The following ADGRE1 variants were observed in gnomAD, a reference collection of about 807,000 sequenced individuals.
The protein encoded by ADGRE1 is EGF-like module receptor 1.
A neutral mutation model predicts 102.7 loss-of-function variants in ADGRE1; 82 were observed. The observed-to-expected ratio is 0.80, with a 90% confidence interval of 0.67 to 0.96. ADGRE1 has a LOEUF of 0.96. ADGRE1 is among the 40% of genes least tolerant of loss of function. The pLI is 0.00. For missense variants in ADGRE1, 1,032 were observed against 1,085.3 expected, an observed-to-expected ratio of 0.95 and a Z score of 0.69; for synonymous variants, 398 against 399.6, an observed-to-expected ratio of 1.00 and a Z score of 0.05.
intron 12 of ADGRE1, among the ~76,000 whole-genome samples, chr19:6,919,021 A>G (rs958013749): frequency 6.7e-6 from 1 of 149,630 alleles, no homozygotes; most frequent in African/African-American, 2.5e-5. Context: ...CACTCTGCCC[A>G]GCTGTGGAAG....
chr19:6,928,259 G>A, intron 17 of ADGRE1, 48 bp downstream of exon 17: 1 of 1,613,908 alleles, frequency 6.2e-7, no homozygotes, highest in Non-Finnish European at 8.5e-7. Context: ...TGAAGGAGGA[G>A]CAAGGAGACC....
chr19:6,914,358 A>G (rs1225280360), intron 11 of ADGRE1, among the ~76,000 whole-genome samples: 7 of 152,232 alleles, frequency 4.6e-5, no homozygotes, highest in Non-Finnish European at 8.8e-5. Context: ...AAGTCAATTT[A>G]CAATAGACCC....
In ADGRE1 at chr19:6,924,701, T is replaced by C. The variant is rs1432747624; in HGVS notation, c.1815T>C (p.Ile605=). The change falls in exon 15 of 21, where the codon ATT becomes ATC. Residue 605 remains isoleucine (I), a synonymous_variant. Coordinates refer to ENST00000312053, the MANE Select transcript of ADGRE1 (RefSeq NM_001974.5). ...AGATGGACTTTTCCTTGTACATCAT[T>C]AGCCATGTAGGCATTATCATCTCCT... The part of the protein sequence containing the change: ...ELTMDFSLYI[I]SHVGIIISLV... The C allele has an allele frequency of 1.8e-5, 29 of 1,614,022 alleles. No individual in the cohort carries two copies. The highest frequency in any genetic ancestry group is 2.4e-5 in the Non-Finnish European group (28 of 1,180,006).
intron 11 of ADGRE1, among the ~76,000 whole-genome samples, chr19:6,915,346 G>A (rs563951887): frequency 5.1e-4 from 78 of 152,204 alleles, no homozygotes; most frequent in African/African-American, 1.9e-3. Context: ...GGAAAATTTG[G>A]GAACAGGTAT....
chr19:6,913,382 A>T (rs964899734), intron 10 of ADGRE1, among the ~76,000 whole-genome samples: 1 of 143,772 alleles, frequency 7.0e-6, no homozygotes, highest in Non-Finnish European at 1.5e-5. Flanking sequence ...GGGTTTCACT[A>T]TGTTTGCCAG....
intron 6 of ADGRE1, among the ~76,000 whole-genome samples, chr19:6,902,603 G>A (rs1018100732): frequency 6.6e-6 from 1 of 151,996 alleles, no homozygotes; most frequent in Non-Finnish European, 1.5e-5. Context: ...ACCATGTCCA[G>A]CTAATTTTTG....
intron 17 of ADGRE1, 166 bp downstream of exon 17, chr19:6,928,377 G>C: frequency 6.8e-7 from 1 of 1,471,038 alleles, no homozygotes; most frequent in Admixed American, 2.3e-5. Context: ...TGTAATCCCA[G>C]CACTTTGGGA....
chr19:6,924,813 G>A lies in ADGRE1; in HGVS notation c.1927G>A (p.Val643Met), dbSNP rs369718261. The change falls in exon 15 of 21, where the codon GTG becomes ATG. Residue 643 changes from valine to methionine, a missense_variant. Coordinates refer to ENST00000312053, the MANE Select transcript of ADGRE1 (RefSeq NM_001974.5). ...HNTYLHLHLC[V>M]CLLLAKTLFL... ...CACCTACCTCCACCTGCACCTCTGCGTGTGTCTCCTCTTGGCGAAGACTCT... is the reference window on the plus strand; with the variant it reads ...CACCTACCTCCACCTGCACCTCTGCATGTGTCTCCTCTTGGCGAAGACTCT... 22 of 1,613,952 alleles carry A rather than the reference G, an allele frequency of 1.4e-5. No homozygotes were observed. Among genetic ancestry groups the A allele is most frequent in the African/African-American group, 1.1e-4 (8 of 74,876 alleles).
chr19:6,915,891 A>AGCC (rs924461186), intron 11 of ADGRE1, among the ~76,000 whole-genome samples: 12 of 134,392 alleles, frequency 8.9e-5, no homozygotes, highest in Non-Finnish European at 1.2e-4. Context: ...ACTGCACACC[A>AGCC]GCCTAAGTGA....
Position 6,897,467 on chromosome 19 carries a change from A to G in ADGRE1, c.434A>G (p.His145Arg), listed in dbSNP as rs1242333744. ...ECLTSSVCPE[H>R]SDCVNSMGSY... ...CTCACCAGCAGCGTCTGCCCTGAGC[A>G]TTCTGACTGTGTCAACTCCATGGGA... Residue 145 changes from histidine to arginine, a missense_variant, in exon 5 of 21, where the codon CAT (histidine) becomes CGT (arginine). Coordinates refer to ENST00000312053, the MANE Select transcript of ADGRE1 (RefSeq NM_001974.5). 1 of 1,600,754 alleles carries G rather than the reference A, an allele frequency of 6.2e-7. No homozygotes were observed. The highest frequency in any genetic ancestry group is 8.5e-7 in the Non-Finnish European group (1 of 1,174,970).
At position 6,902,717 on chromosome 19, in the gene ADGRE1, A is replaced by G. The variant is rs370644115; in HGVS notation, c.661+696A>G. Among the ~76,000 whole-genome samples, 6 of 149,404 alleles carry G rather than the reference A, an allele frequency of 4.0e-5. No individual in the cohort carries two copies. The South Asian group carries it at 1.1e-3, about 26-fold the overall frequency. Reference sequence around the variant, plus strand: ...CGGCTTCTCAAAGCGTTTGGATTACAGGCATGAGCCACTGCGCCCAGCCTG... The same window carrying G: ...CGGCTTCTCAAAGCGTTTGGATTACGGGCATGAGCCACTGCGCCCAGCCTG... On this transcript the variant is annotated intron_variant, in intron 6 of 20. Coordinates refer to ENST00000312053, the MANE Select transcript of ADGRE1 (RefSeq NM_001974.5).
At chr19:6,906,342 C>A in intron 8 of ADGRE1, 91 bp from the exon 9 acceptor site, 1 of 1,106,478 alleles carries the variant, frequency 9.0e-7, no homozygotes, top group South Asian at 1.4e-5. Flanking sequence ...GATTTTAAGT[C>A]GGGCACGGGA....
rs777153696 is a variant in ADGRE1 at position 6,902,027 on chromosome 19, T to A, written c.661+6T>A. ...TCTCAAAGCATCGTGTGAAGGTAGG[T>A]GGGGGTGTCTTCTGAGAAGTCAGGT... On this transcript the variant is annotated splice_donor_region_variant and intron_variant, in intron 6 of 20. Transcript: ENST00000312053. The A allele has an allele frequency of 6.2e-7, 1 of 1,613,974 alleles. No homozygotes were observed. The highest frequency in any genetic ancestry group is 8.5e-7 in the Non-Finnish European group (1 of 1,179,968).
intron 20 of ADGRE1, among the ~76,000 whole-genome samples, chr19:6,939,011 G>A (rs1975562110): frequency 1.3e-5 from 2 of 151,894 alleles, no homozygotes; most frequent in Non-Finnish European, 2.9e-5. Context: ...GGCCAGGTTG[G>A]TCTCGAACTC....
chr19:6,901,356 A>G (rs1372923368), intron 5 of ADGRE1, among the ~76,000 whole-genome samples: 1 of 152,156 alleles, frequency 6.6e-6, no homozygotes, highest in African/African-American at 2.4e-5. Flanking sequence ...GGGCTTGTTC[A>G]TATGGCAGAG....
At chr19:6,892,504 T>C (rs1439748787) in intron 2 of ADGRE1, among the ~76,000 whole-genome samples, 1 of 152,174 alleles carries the variant, frequency 6.6e-6, no homozygotes, top group African/African-American at 2.4e-5. Flanking sequence ...TACTGACATC[T>C]TTCACCTGGA....
intron 20 of ADGRE1, 32 bp downstream of exon 20, chr19:6,937,680 G>A (rs781311700): frequency 1.2e-6 from 2 of 1,603,032 alleles, no homozygotes; most frequent in South Asian, 1.1e-5. Flanking sequence ...GCAGGTGCTG[G>A]TCGAGGGAGG....
At chr19:6,908,664 C>CTT (rs34044572) in intron 9 of ADGRE1, 25 bp from the exon 10 acceptor site, 131,637 of 1,277,386 alleles carry the variant, frequency 0.1, no homozygotes, top group Non-Finnish European at 0.12. Flanking sequence ...CACAAATGCT[C>CTT]TTTTTTTTTT....
At chr19:6,914,342 G>A (rs534580908) in intron 11 of ADGRE1, among the ~76,000 whole-genome samples, 17 of 152,248 alleles carry the variant, frequency 1.1e-4, no homozygotes, top group African/African-American at 4.1e-4. Context: ...TATAGAACAT[G>A]GCCTCAAGTC....
Sources: gnomAD v4.1 joint callset for allele counts (sites outside exome capture counted in the v4.1 genomes callset) on GRCh38, gnomAD v4.1.1 for gene constraint, MANE v1.5 for transcripts, NCBI Gene and HGNC (gene_info 2026-07-23, HGNC 2026-07-21) for gene names.